The following CWF19L2 variants were observed in gnomAD, a reference collection of about 807,000 sequenced individuals.
CWF19L2 encodes the protein CWF19-like protein 2.
A neutral mutation model predicts 111.7 loss-of-function variants in CWF19L2; 98 were observed. That is an observed-to-expected ratio of 0.88 (90% confidence interval 0.75 to 1.04). The LOEUF (loss-of-function observed/expected upper bound fraction) is 1.04, where lower values mean the gene tolerates loss of function less well. CWF19L2 is among the 50% of genes least tolerant of loss of function. The pLI is 0.00. For synonymous variants in CWF19L2, 351 were observed against 342.9 expected (o/e 1.02, Z -0.26); for missense variants, 1,101 against 1,051.4 (o/e 1.05, Z -0.65).
chr11:107,327,004 C>G lies in CWF19L2; in HGVS notation c.2591G>C (p.Gly864Ala). 6.2e-7 allele frequency: 1 copy of G among 1,611,826 alleles called. No homozygotes were observed. Among genetic ancestry groups the G allele is most frequent in the Non-Finnish European group, 8.5e-7 (1 of 1,178,830 alleles). The change falls in exon 18 of 18, where the codon GGC (glycine) becomes GCC (alanine). Residue 864 changes from glycine to alanine, a missense_variant. Transcript: ENST00000282251. ...LDIEPRLWRK[G>A]IRESFEDQRK... ...CTGATCCTCAAAGCTTTCTCGGATG[C>G]CTTTCCTCCAAAGTCTTGGTTCTAT... is the stretch of plus-strand genomic sequence containing the variant.
At chr11:107,364,343 T>C (rs1277439441) in intron 12 of CWF19L2, among the ~76,000 whole-genome samples, 1 of 147,472 alleles carries the variant, frequency 6.8e-6, no homozygotes, top group Non-Finnish European at 1.5e-5. Flanking sequence ...TCTACAGAAC[T>C]CTCCACCCCA....
At chr11:107,435,475 A>G (rs994059965) in intron 6 of CWF19L2, among the ~76,000 whole-genome samples, 1 of 152,182 alleles carries the variant, frequency 6.6e-6, no homozygotes, top group Non-Finnish European at 1.5e-5. Context: ...TTTCCTGAAC[A>G]ATCACTAAAA....
chr11:107,387,847 C>T (rs1860793293), intron 12 of CWF19L2, among the ~76,000 whole-genome samples: 1 of 152,150 alleles, frequency 6.6e-6, no homozygotes, highest in South Asian at 2.1e-4. Flanking sequence ...CGGCCCAGTT[C>T]CAAATAGGCC....
intron 13 of CWF19L2, among the ~76,000 whole-genome samples, 185 bp from the exon 14 acceptor site, chr11:107,349,238 T>C (rs1161260513): frequency 6.6e-6 from 1 of 152,344 alleles, no homozygotes; most frequent in South Asian, 2.1e-4. Flanking sequence ...ATATTTAGTA[T>C]TTTTAAAGGC....
At chr11:107,412,431 C>T (rs1861170474) in intron 10 of CWF19L2, among the ~76,000 whole-genome samples, 1 of 152,184 alleles carries the variant, frequency 6.6e-6, no homozygotes, top group Non-Finnish European at 1.5e-5. Context: ...ATCTCCGCCT[C>T]CCAGGTTCAA....
In CWF19L2 at chr11:107,455,700, G is replaced by A. The variant is rs1228356827; in HGVS notation, c.182C>T (p.Pro61Leu). Residue 61 changes from proline to leucine, a missense_variant, in exon 2 of 18, where the codon CCT (proline) becomes CTT (leucine). Transcript: ENST00000282251. ...RLRGEDTWMLPDVNERIEQFS... is the reference protein window; with the variant it reads ...RLRGEDTWMLLDVNERIEQFS... ...CTGTTCAATTCTCTCATTCACATCA[G>A]GTAGCATCCATGTATCCTCACCCCG... The A allele has an allele frequency of 1.9e-6, 3 of 1,550,602 alleles. No individual in the cohort carries two copies. The highest frequency in any genetic ancestry group is 2.6e-6 in the Non-Finnish European group (3 of 1,146,264).
At chr11:107,360,049 T>G (rs1860300900) in intron 12 of CWF19L2, among the ~76,000 whole-genome samples, 1 of 152,218 alleles carries the variant, frequency 6.6e-6, no homozygotes, top group African/African-American at 2.4e-5. Flanking sequence ...ATTTAAAGTA[T>G]TCATCACTCA....
intron 14 of CWF19L2, chr11:107,345,603 T>C (rs1860068726): frequency 2.9e-6 from 1 of 341,222 alleles, no homozygotes; most frequent in Non-Finnish European, 5.7e-6. Context: ...TATATAAACC[T>C]CATACTAATA....
chr11:107,430,209 G>GAA (rs759755646), intron 7 of CWF19L2, among the ~76,000 whole-genome samples: 1 of 140,220 alleles, frequency 7.1e-6, no homozygotes, highest in Non-Finnish European at 1.6e-5. Flanking sequence ...CAAAACTCAA[G>GAA]GAAAAAAAAA....
intron 13 of CWF19L2, among the ~76,000 whole-genome samples, chr11:107,351,715 A>G (rs150994822): frequency 2.4e-4 from 36 of 152,288 alleles, no homozygotes; most frequent in African/African-American, 8.2e-4. Context: ...AGCTCCTCCC[A>G]TCAAGAGATG....
At chr11:107,394,705 G>C (rs1297582526) in intron 10 of CWF19L2, among the ~76,000 whole-genome samples, 2 of 152,108 alleles carry the variant, frequency 1.3e-5, no homozygotes, top group Non-Finnish European at 1.5e-5. Flanking sequence ...CTCCCCACAT[G>C]AATTATTAAT....
At chr11:107,427,837 T>A (rs1349865802) in intron 8 of CWF19L2, among the ~76,000 whole-genome samples, 1 of 152,106 alleles carries the variant, frequency 6.6e-6, no homozygotes, top group South Asian at 2.1e-4. Context: ...TCCATTTGAC[T>A]GGGGCTTAAT....
chr11:107,330,355 A>T (rs1212683375), intron 16 of CWF19L2, among the ~76,000 whole-genome samples: 1 of 152,180 alleles, frequency 6.6e-6, no homozygotes, highest in Non-Finnish European at 1.5e-5. Flanking sequence ...ACAAATAGAG[A>T]ATAAGTATAT....
intron 11 of CWF19L2, 51 bp from the exon 12 acceptor site, chr11:107,390,262 T>C: frequency 2.2e-6 from 3 of 1,362,102 alleles, no homozygotes; most frequent in Admixed American, 4.9e-5. Flanking sequence ...GTCTCTGAAG[T>C]ATTTCTTGAT....
intron 10 of CWF19L2, among the ~76,000 whole-genome samples, chr11:107,410,825 G>GTGGC (rs1351101006): frequency 4.6e-5 from 7 of 152,244 alleles, no homozygotes; most frequent in African/African-American, 1.7e-4. Context: ...GTTTCTCTAT[G>GTGGC]TGGCTCCTTT....
In CWF19L2 at chr11:107,429,040, G is replaced by C. The variant is rs1861422658; in HGVS notation, c.1192C>G (p.Gln398Glu). Reference protein sequence around the residue: ...PLSSSSALVAQGSLCSGFRKP... With the variant: ...PLSSSSALVAEGSLCSGFRKP... ...CTAAAACCACTACACAAAGAGCCCT[G>C]AGCTACCAATGCTGAAGATGAACTA... The change falls in exon 8 of 18, where the codon CAG becomes GAG. Residue 398 changes from glutamine to glutamate, a missense_variant. Coordinates refer to ENST00000282251, the MANE Select transcript of CWF19L2 (RefSeq NM_152434.3). The C allele has an allele frequency of 6.2e-7, 1 of 1,613,662 alleles. No homozygotes were observed. The highest frequency in any genetic ancestry group is 1.3e-5 in the African/African-American group (1 of 74,886).
intron 3 of CWF19L2, among the ~76,000 whole-genome samples, chr11:107,449,308 C>T (rs1328632041): frequency 3.3e-5 from 5 of 151,910 alleles, no homozygotes; most frequent in Non-Finnish European, 5.9e-5. Context: ...ACAATGTCTG[C>T]AAATCCATAT....
chr11:107,358,178 G>C (rs1250176615), intron 12 of CWF19L2, among the ~76,000 whole-genome samples: 1 of 152,086 alleles, frequency 6.6e-6, no homozygotes, highest in Non-Finnish European at 1.5e-5. Flanking sequence ...TTGGAAAACA[G>C]TCTGGTAGTT....
chr11:107,348,600 C>T (rs1298064816), intron 14 of CWF19L2: 1 of 156,786 alleles, frequency 6.4e-6, no homozygotes, highest in African/African-American at 2.4e-5. Context: ...AACGTCTTTC[C>T]TTTCAGCTGC....
Sources: gnomAD v4.1 joint callset for allele counts (sites outside exome capture counted in the v4.1 genomes callset) on GRCh38, gnomAD v4.1.1 for gene constraint, MANE v1.5 for transcripts, NCBI Gene and HGNC (gene_info 2026-07-23, HGNC 2026-07-21) for gene names.